PAMR1: variants seen among roughly 807,000 people sequenced by gnomAD.
PAMR1 encodes inactive serine protease PAMR1.
PAMR1 carries 88 observed loss-of-function variants against 81.8 expected under a neutral mutation model. The observed-to-expected ratio is 1.08, with a 90% confidence interval of 0.91 to 1.28. The LOEUF (loss-of-function observed/expected upper bound fraction) is 1.28, where lower values mean the gene tolerates loss of function less well. Among genes scored for constraint, PAMR1 ranks in the 50% most tolerant of loss-of-function variants. PAMR1 has a pLI of 0.00. For missense variants in PAMR1, 935 were observed against 919.7 expected (o/e 1.02, Z -0.21); for synonymous variants, 336 against 345.3 (o/e 0.97, Z 0.30).
chr11:35,503,813 G>A (rs907125546), intron 1 of PAMR1, among the ~76,000 whole-genome samples: 4 of 151,974 alleles, frequency 2.6e-5, no homozygotes, highest in Non-Finnish European at 5.9e-5. Context: ...TGGTCTGCAA[G>A]CAAGGCTAAT....
At chr11:35,466,073 A>ACTTT (rs1555035808) in intron 6 of PAMR1, among the ~76,000 whole-genome samples, 1 of 146,352 alleles carries the variant, frequency 6.8e-6, no homozygotes, top group South Asian at 2.2e-4. Context: ...TTCCAATTCT[A>ACTTT]TTTTTTTTTT....
At chr11:35,488,050 G>A (rs1198272593) in intron 3 of PAMR1, among the ~76,000 whole-genome samples, 3 of 152,076 alleles carry the variant, frequency 2.0e-5, no homozygotes, top group African/African-American at 7.2e-5. Flanking sequence ...TCTCACTTTT[G>A]TTCTTGATCT....
intron 6 of PAMR1, among the ~76,000 whole-genome samples, chr11:35,445,412 T>C (rs1289002762): frequency 6.6e-6 from 1 of 152,214 alleles, no homozygotes; most frequent in East Asian, 1.9e-4. Flanking sequence ...CATCCTTTTC[T>C]TGTGCCAGTT....
At chr11:35,449,868 C>T (rs114144805) in intron 6 of PAMR1, among the ~76,000 whole-genome samples, 30 of 152,264 alleles carry the variant, frequency 2.0e-4, no homozygotes, top group African/African-American at 5.8e-4. Context: ...ATGCAGCTCC[C>T]GGCTGGGCCA....
intron 1 of PAMR1, among the ~76,000 whole-genome samples, chr11:35,502,463 A>G (rs1046603105): frequency 6.6e-6 from 1 of 151,862 alleles, no homozygotes; most frequent in Non-Finnish European, 1.5e-5. Context: ...CCCTGTGTCC[A>G]TGTGTTGTCA....
intron 1 of PAMR1, among the ~76,000 whole-genome samples, chr11:35,522,884 C>T (rs1200256126): frequency 6.6e-6 from 1 of 152,200 alleles, no homozygotes; most frequent in Non-Finnish European, 1.5e-5. Context: ...AAGCCTTTGG[C>T]TCAAAGACTG....
intron 1 of PAMR1, among the ~76,000 whole-genome samples, chr11:35,498,944 C>A (rs144395226): frequency 2.0e-5 from 3 of 152,204 alleles, no homozygotes; most frequent in Admixed American, 6.5e-5. Flanking sequence ...AGTTGAGAAT[C>A]GTTTTCTGTT....
intron 6 of PAMR1, among the ~76,000 whole-genome samples, chr11:35,458,101 A>C (rs1387778185): frequency 6.6e-6 from 1 of 152,224 alleles, no homozygotes; most frequent in East Asian, 1.9e-4. Context: ...TTTTCAGGAA[A>C]GGGAGAATGA....
intron 9 of PAMR1, among the ~76,000 whole-genome samples, chr11:35,435,240 C>G (rs1318095363): frequency 6.6e-6 from 1 of 152,226 alleles, no homozygotes; most frequent in Non-Finnish European, 1.5e-5. Flanking sequence ...TATTGTTCTC[C>G]TTTCGCAAAG....
chr11:35,529,436 C>T (rs562873976), upstream of PAMR1, among the ~76,000 whole-genome samples: 1 of 152,310 alleles, frequency 6.6e-6, no homozygotes, highest in Admixed American at 6.5e-5. Flanking sequence ...GCCCTCTCAC[C>T]TCCTCCTCAC....
chr11:35,524,781 C>T (rs1054091487), intron 1 of PAMR1, among the ~76,000 whole-genome samples: 3 of 152,218 alleles, frequency 2.0e-5, no homozygotes, highest in African/African-American at 7.2e-5. Flanking sequence ...ATCTCCGTAT[C>T]ATGTCCCAGC....
intron 1 of PAMR1, among the ~76,000 whole-genome samples, chr11:35,518,740 A>G (rs1461178974): frequency 6.6e-6 from 1 of 151,998 alleles, no homozygotes; most frequent in African/African-American, 2.4e-5. Context: ...TCATCCAACA[A>G]TTCATTTGAT....
upstream of PAMR1, chr11:35,525,734 C>A: frequency 1.5e-6 from 1 of 661,020 alleles, no homozygotes; most frequent in Non-Finnish European, 2.7e-6. Flanking sequence ...CCATCCTCAT[C>A]TGAGGGGAAC....
rs145602482 is a variant in PAMR1 at position 35,516,712 on chromosome 11, C to G, written c.73+8801G>C. Among the ~76,000 whole-genome samples the G allele has an allele frequency of 6.7e-3, 1,024 of 152,338 alleles. 8 individuals are homozygous for G. The highest frequency in any genetic ancestry group is 0.034 in the Middle Eastern group (10 of 294). On this transcript the variant is annotated intron_variant, in intron 1 of 10. Coordinates refer to ENST00000619888, the MANE Select transcript of PAMR1 (RefSeq NM_001001991.3). ...GGGATACAGCCCCAGTGTAAACAGA[C>G]AGACCACTTTCAGGTTGTGCAAATC...
At chr11:35,510,519 T>C (rs1450271005) in intron 1 of PAMR1, among the ~76,000 whole-genome samples, 1 of 137,298 alleles carries the variant, frequency 7.3e-6, no homozygotes. Context: ...AAGAGTTCCT[T>C]GTGAAAATGT....
intron 1 of PAMR1, among the ~76,000 whole-genome samples, chr11:35,518,911 T>G (rs959844261): frequency 6.6e-6 from 1 of 152,138 alleles, no homozygotes; most frequent in Non-Finnish European, 1.5e-5. Flanking sequence ...GCTAAATGTG[T>G]TCCTCACTCT....
chr11:35,491,913 T>C, intron 3 of PAMR1, 132 bp downstream of exon 3: 1 of 757,482 alleles, frequency 1.3e-6, no homozygotes, highest in South Asian at 2.4e-5. Context: ...GTTTTTATAG[T>C]TTTACCTAGA....
At chr11:35,440,525 AG>A (rs1227240539) in intron 7 of PAMR1, among the ~76,000 whole-genome samples, 1 of 152,164 alleles carries the variant, frequency 6.6e-6, no homozygotes, top group African/African-American at 2.4e-5. Context: ...GGCAAAGTGG[AG>A]GATTAAGACA....
Position 35,436,065 on chromosome 11 carries a change from T to A in PAMR1, c.1171A>T (p.Lys391Ter). ...KQKLQSAPTK[K>*]PALPFGDLPM... ...AGATCTCCAAAGGGAAGGGCTGGCTTCTTGGTAGGGGCACTCTGCAGTTTC... is the reference window on the plus strand; with the variant it reads ...AGATCTCCAAAGGGAAGGGCTGGCTACTTGGTAGGGGCACTCTGCAGTTTC... The change falls in exon 9 of 11, where the codon AAG (lysine) becomes TAG (stop). Residue 391 changes from lysine (K) to a stop codon, truncating the protein, a stop_gained. Transcript: ENST00000619888. LOFTEE classifies it high-confidence loss of function. The A allele has an allele frequency of 6.2e-7, 1 of 1,614,088 alleles. No homozygotes were observed. The highest frequency in any genetic ancestry group is 8.5e-7 in the Non-Finnish European group (1 of 1,179,998).
Sources: allele counts gnomAD v4.1 joint callset (sites outside exome capture counted in the v4.1 genomes callset), GRCh38; gene constraint gnomAD v4.1.1; transcripts MANE v1.5; gene names NCBI Gene and HGNC (gene_info 2026-07-23, HGNC 2026-07-21).